STPG1: variants seen among roughly 807,000 people sequenced by gnomAD.
STPG1 encodes sperm tail PG-rich repeat containing 1.
Under a neutral mutation model 40.1 loss-of-function variants are expected in STPG1, and 33 were observed. That is an observed-to-expected ratio of 0.82 (90% CI 0.62 to 1.10). The LOEUF (loss-of-function observed/expected upper bound fraction) is 1.10, where lower values mean the gene tolerates loss of function less well. Ranked by LOEUF, STPG1 falls within the 50% of genes least tolerant of loss-of-function variation. STPG1 has a pLI of 0.00. For synonymous variants in STPG1, 150 were observed against 155.0 expected, an observed-to-expected ratio of 0.97 and a Z score of 0.24; for missense variants, 396 against 415.1, an observed-to-expected ratio of 0.95 and a Z score of 0.40.
At chr1:24,396,015 A>C (rs1395374147) in intron 2 of STPG1, among the ~76,000 whole-genome samples, 3 of 152,174 alleles carry the variant, frequency 2.0e-5, no homozygotes, top group Admixed American at 2.0e-4. Context: ...AGCAAAAATA[A>C]CAACTGTTTT....
intron 1 of STPG1, among the ~76,000 whole-genome samples, chr1:24,404,025 G>A (rs1232807275): frequency 6.6e-6 from 1 of 152,018 alleles, no homozygotes; most frequent in Non-Finnish European, 1.5e-5. Flanking sequence ...CTTGTTACTG[G>A]CTCGAGTGGG....
chr1:24,405,477 T>G (rs1038151752), intron 1 of STPG1, among the ~76,000 whole-genome samples: 3 of 152,218 alleles, frequency 2.0e-5, no homozygotes, highest in South Asian at 2.1e-4. Context: ...ATCTTTTTGT[T>G]GTTGATTTGA....
At chr1:24,401,074 C>T (rs1165176556) in intron 2 of STPG1, 1 of 416,268 alleles carries the variant, frequency 2.4e-6, no homozygotes, top group African/African-American at 2.0e-5. Context: ...ACTAACAAGT[C>T]TGGGTTTTGT....
intron 3 of STPG1, among the ~76,000 whole-genome samples, chr1:24,388,967 C>T (rs1642632012): frequency 1.3e-5 from 2 of 152,190 alleles, no homozygotes; most frequent in Admixed American, 6.5e-5. Context: ...GAGTAGGACA[C>T]GGAAAGCCTG....
chr1:24,374,416 G>A (rs919726817), intron 5 of STPG1, among the ~76,000 whole-genome samples: 7 of 150,548 alleles, frequency 4.6e-5, no homozygotes, highest in East Asian at 2.0e-4. Flanking sequence ...CTACCACCAC[G>A]CCCAGCTAAT....
At position 24,360,973 on chromosome 1, in the gene STPG1, G is replaced by C. The variant is rs1569961621; in HGVS notation, c.806C>G (p.Pro269Arg). 1.2e-6 allele frequency: 2 copies of C among 1,613,970 alleles called. No individual in the cohort carries two copies. The highest frequency in any genetic ancestry group is 1.7e-6 in the Non-Finnish European group (2 of 1,179,958). ...GTAGTCCACGATCTCATACTGACCA[G>C]GACCTGGGAAAGGTGGCTTCGGAGG... The part of the protein sequence containing the change: ...PLPPKPPFPG[P>R]GQYEIVDYLG... Residue 269 changes from proline (P) to arginine (R), a missense_variant, in exon 8 of 9, where the codon CCT becomes CGT. Coordinates refer to ENST00000337248, the MANE Select transcript of STPG1 (RefSeq NM_001199013.2).
chr1:24,413,001 A>G (rs1248885276), intron 1 of STPG1, among the ~76,000 whole-genome samples: 1 of 152,222 alleles, frequency 6.6e-6, no homozygotes, highest in Non-Finnish European at 1.5e-5. Context: ...AACTATGTAT[A>G]CTGTTACTTT....
chr1:24,376,175 C>T (rs781594034), intron 5 of STPG1, among the ~76,000 whole-genome samples: 3 of 152,148 alleles, frequency 2.0e-5, no homozygotes, highest in Non-Finnish European at 2.9e-5. Context: ...TGTGTGCCAC[C>T]ATGCCTGGCT....
chr1:24,391,826 AT>A lies in STPG1; in HGVS notation c.71-148del, dbSNP rs779885929. ...TGACAGGAAACAGACACGAAACCGGATTAAAAAAAAAATTCCCCACTTTCTT... is the reference window on the plus strand; with the variant it reads ...TGACAGGAAACAGACACGAAACCGGATAAAAAAAAAATTCCCCACTTTCTT... On this transcript the variant is annotated intron_variant, in intron 2 of 8. Transcript: ENST00000337248. 2.4e-3 allele frequency: 2,742 copies of A among 1,120,776 alleles called. 2 individuals are homozygous for A. Among genetic ancestry groups the A allele is most frequent in the Non-Finnish European group, 3.0e-3 (2,602 of 872,314 alleles). 69.4% of individuals were successfully genotyped at this position (1,120,776 alleles called of 1,614,324 possible).
intron 2 of STPG1, among the ~76,000 whole-genome samples, chr1:24,397,322 C>G (rs1206335535): frequency 2.0e-5 from 3 of 152,110 alleles, no homozygotes; most frequent in Non-Finnish European, 4.4e-5. Context: ...AAACTATTAC[C>G]TAACCTGACC....
chr1:24,392,780 G>A (rs2148706360), intron 2 of STPG1, among the ~76,000 whole-genome samples: 1 of 152,162 alleles, frequency 6.6e-6, no homozygotes, highest in African/African-American at 2.4e-5. Context: ...GACTCTGTAG[G>A]CTGTTCACAA....
intron 4 of STPG1, among the ~76,000 whole-genome samples, chr1:24,382,538 T>C (rs1457171892): frequency 1.3e-5 from 2 of 152,160 alleles, no homozygotes; most frequent in African/African-American, 4.8e-5. Context: ...AGTCTTGTCT[T>C]CTACACCAGG....
At chr1:24,373,909 A>G (rs1641879710) in intron 5 of STPG1, 99 bp from the exon 6 acceptor site, 6 of 840,164 alleles carry the variant, frequency 7.1e-6, no homozygotes. Flanking sequence ...AAAAAAATCA[A>G]ACCGAAACCT....
intron 7 of STPG1, chr1:24,364,335 C>A: frequency 6.5e-7 from 1 of 1,548,814 alleles, no homozygotes. Flanking sequence ...GCCCCACCAC[C>A]GTCAACAGCC....
chr1:24,385,758 A>C (rs913182097), intron 3 of STPG1, among the ~76,000 whole-genome samples: 1 of 152,150 alleles, frequency 6.6e-6, no homozygotes, highest in African/African-American at 2.4e-5. Flanking sequence ...AAAAATCCCC[A>C]CCGGGTTATG....
At chr1:24,407,729 C>T (rs1643470315) in intron 1 of STPG1, among the ~76,000 whole-genome samples, 1 of 152,112 alleles carries the variant, frequency 6.6e-6, no homozygotes, top group Non-Finnish European at 1.5e-5. Context: ...AGCCACCATG[C>T]CCGGCCAAGT....
intron 2 of STPG1, among the ~76,000 whole-genome samples, chr1:24,400,540 G>C (rs534746105): frequency 2.2e-4 from 34 of 152,182 alleles, no homozygotes; most frequent in Admixed American, 1.4e-3. Context: ...AAATGTTAAA[G>C]AAAAAGAGAG....
At chr1:24,364,233 C>T (rs1244981271) in intron 7 of STPG1, 2 of 1,545,006 alleles carry the variant, frequency 1.3e-6, no homozygotes, top group Middle Eastern at 1.7e-4. Context: ...CCCCACCTGA[C>T]TGTCTTGAAT....
Position 24,357,929 on chromosome 1 carries a change from GA to G in STPG1, c.*613del. ...CCAAGATGATCTCCCACTCCAAAGA[GA>G]AAAAGGTCTAAAAGGAGTAAAGAGA... On this transcript the variant is annotated 3_prime_UTR_variant, in exon 9 of 9. Transcript: ENST00000337248. 3.1e-6 allele frequency: 1 copy of G among 326,286 alleles called. No homozygotes were observed. The highest frequency in any genetic ancestry group is 6.1e-6 in the Non-Finnish European group (1 of 164,450). The allele number at this position is 326,286 out of a possible 1,614,324, so 20.2% of individuals were successfully genotyped here.
Sources: allele counts gnomAD v4.1 joint callset (sites outside exome capture counted in the v4.1 genomes callset), GRCh38; gene constraint gnomAD v4.1.1; transcripts MANE v1.5; gene names NCBI Gene and HGNC (gene_info 2026-07-23, HGNC 2026-07-21).